The following HSP90AA1 variants were observed in gnomAD, a reference collection of about 807,000 sequenced individuals.
HSP90AA1 encodes heat shock protein 90 alpha family class A member 1, also known as heat shock protein HSP 90-alpha.
Under a neutral mutation model 73.3 loss-of-function variants are expected in HSP90AA1, and 18 were observed. That is an observed-to-expected ratio of 0.25 (90% CI 0.17 to 0.36). HSP90AA1 has a LOEUF of 0.36. HSP90AA1 is among the 10% of genes least tolerant of loss of function. The pLI is 1.00. For missense variants in HSP90AA1, 704 were observed against 874.2 expected, an observed-to-expected ratio of 0.81 and a Z score of 2.45; for synonymous variants, 477 against 296.9, an observed-to-expected ratio of 1.61 and a Z score of -6.24.
intron 2 of HSP90AA1, among the ~76,000 whole-genome samples, chr14:102,096,741 C>T (rs1440802712): frequency 6.6e-6 from 1 of 152,206 alleles, no homozygotes; most frequent in Admixed American, 6.5e-5. Flanking sequence ...CGCCCAAAGG[C>T]CGTGATAAAC....
At chr14:102,088,425 T>C (rs985751418), upstream of HSP90AA1, among the ~76,000 whole-genome samples, 2 of 152,244 alleles carry the variant, frequency 1.3e-5, no homozygotes, top group Non-Finnish European at 1.5e-5. Flanking sequence ...TCCTGGTCTT[T>C]AGGGAAACGC....
At chr14:102,121,042 C>T (rs543251700) in intron 1 of HSP90AA1, among the ~76,000 whole-genome samples, 3 of 150,982 alleles carry the variant, frequency 2.0e-5, no homozygotes, top group African/African-American at 7.3e-5. Context: ...CACACACACA[C>T]GTAAAGTTGA....
At chr14:102,137,249 A>T (rs780012295) in intron 1 of HSP90AA1, among the ~76,000 whole-genome samples, 1 of 151,750 alleles carries the variant, frequency 6.6e-6, no homozygotes, top group Non-Finnish European at 1.5e-5. Flanking sequence ...TCAAAAAAAA[A>T]ATTTTTTTTT....
intron 1 of HSP90AA1, among the ~76,000 whole-genome samples, chr14:102,118,248 G>A (rs993962738): frequency 6.6e-6 from 1 of 152,164 alleles, no homozygotes; most frequent in Admixed American, 6.5e-5. Flanking sequence ...CCAGAAAAAT[G>A]ATAACCCCTA....
chr14:102,084,929 TTTCTTC>T lies in HSP90AA1; in HGVS notation c.727_732del (p.Glu243_Glu244del), dbSNP rs747665017. ...TCCGACTCTTTCTCTTCTTTTTCTT[TTTCTTC>T]TTCTTTGTCTTCCTTTTCTTCAGCC... is the stretch of plus-strand genomic sequence containing the variant. On this transcript the variant is annotated inframe_deletion, in exon 5 of 11. Transcript: ENST00000216281. 1.8e-4 allele frequency: 291 copies of T among 1,593,782 alleles called. No individual in the cohort carries two copies. The highest frequency in any genetic ancestry group is 6.6e-4 in the Middle Eastern group (4 of 6,020).
Position 102,086,127 on chromosome 14 carries a change from G to A in HSP90AA1, c.163-3C>T, listed in dbSNP as rs2049225195. On this transcript the variant is annotated splice_region_variant and splice_polypyrimidine_tract_variant and intron_variant, in intron 2 of 10. Transcript: ENST00000216281. ...TCATACCGGATTTTGTCCAATGCCTGTTAACAAAAAATATTAATTTAAGCA... is the reference window on the plus strand; with the variant it reads ...TCATACCGGATTTTGTCCAATGCCTATTAACAAAAAATATTAATTTAAGCA... The A allele has an allele frequency of 1.2e-6, 2 of 1,614,060 alleles. No individual in the cohort carries two copies. Among genetic ancestry groups the A allele is most frequent in the Admixed American group, 1.7e-5 (1 of 60,004 alleles).
In HSP90AA1 at chr14:102,081,267, G is replaced by C; in HGVS notation, c.*445C>G. 1 of 272,244 alleles carries C rather than the reference G, an allele frequency of 3.7e-6. No individual in the cohort carries two copies. Among genetic ancestry groups the C allele is most frequent in the Non-Finnish European group, 7.1e-6 (1 of 140,866 alleles). The allele number at this position is 272,244 out of a possible 1,614,324, so 16.9% of individuals were successfully genotyped here. A position where few individuals can be genotyped will look rare whatever the true frequency, so the allele number is the denominator to read the frequency against. On this transcript the variant is annotated 3_prime_UTR_variant, in exon 11 of 11. Coordinates refer to ENST00000216281, the MANE Select transcript of HSP90AA1 (RefSeq NM_005348.4). ...GCTTCAGTTTAACCTATTTCTAGAG[G>C]ACTAGTACATGCAGAATTGTCAACT...
chr14:102,086,413 G>A lies in HSP90AA1; in HGVS notation c.1-35C>T, dbSNP rs771223401. 37 of 1,613,384 alleles carry A rather than the reference G, an allele frequency of 2.3e-5. No homozygotes were observed. In the East Asian group the frequency reaches 4.0e-4, roughly 17 times the overall value. On this transcript the variant is annotated intron_variant, in intron 1 of 10. Transcript: ENST00000216281. ...CACCGCGCCGGTTTAAAACCTTGCA[G>A]GACGTCTACAGAGGCAACACGAAAT...
chr14:102,119,396 C>T (rs2049745924), intron 1 of HSP90AA1, among the ~76,000 whole-genome samples: 1 of 152,132 alleles, frequency 6.6e-6, no homozygotes. Flanking sequence ...AGATCTAGCA[C>T]AGTTCTTATT....
upstream of HSP90AA1, among the ~76,000 whole-genome samples, chr14:102,090,141 C>T (rs1273548762): frequency 2.0e-5 from 3 of 152,226 alleles, no homozygotes; most frequent in South Asian, 2.1e-4. Flanking sequence ...GTCTGGCGCA[C>T]TCCCCATGAC....
At chr14:102,129,779 A>G (rs1232325386) in intron 1 of HSP90AA1, among the ~76,000 whole-genome samples, 1 of 149,668 alleles carries the variant, frequency 6.7e-6, no homozygotes, top group Non-Finnish European at 1.5e-5. Context: ...CTGGGATTAC[A>G]GGCGTGAGCC....
At chr14:102,091,249 C>T (rs1035769493), upstream of HSP90AA1, among the ~76,000 whole-genome samples, 20 of 152,134 alleles carry the variant, frequency 1.3e-4, no homozygotes, top group African/African-American at 4.8e-4. Context: ...AGAGGTAAGT[C>T]CTTTACTCAG....
At chr14:102,100,423 GTTT>G (rs71116879) in intron 2 of HSP90AA1, among the ~76,000 whole-genome samples, 4 of 106,300 alleles carry the variant, frequency 3.8e-5, no homozygotes, top group Admixed American at 9.9e-5. Flanking sequence ...TTCCAGTCTG[GTTT>G]TTTTTTTTTT....
At chr14:102,084,220 TA>T in intron 6 of HSP90AA1, 178 bp downstream of exon 6, 1 of 691,620 alleles carries the variant, frequency 1.4e-6, no homozygotes, top group Non-Finnish European at 2.5e-6. Flanking sequence ...CTAATTTTTG[TA>T]ATTTAGTAGA....
At chr14:102,119,730 G>A (rs974536709) in intron 1 of HSP90AA1, among the ~76,000 whole-genome samples, 25 of 151,948 alleles carry the variant, frequency 1.6e-4, no homozygotes, top group Non-Finnish European at 2.8e-4. Flanking sequence ...CTTGTGCTCC[G>A]CCCGCCTCAG....
chr14:102,137,863 A>G (rs1159267738), intron 1 of HSP90AA1, among the ~76,000 whole-genome samples: 1 of 151,916 alleles, frequency 6.6e-6, no homozygotes, highest in African/African-American at 2.4e-5. Context: ...AAAAATACAA[A>G]AATTAGCTGG....
At position 102,085,417 on chromosome 14, in the gene HSP90AA1, G is replaced by C. The variant is rs1428490611; in HGVS notation, c.544C>G (p.Arg182Gly). Residue 182 changes from arginine to glycine, a missense_variant, in exon 4 of 11, where the codon CGT (arginine) becomes GGT (glycine). By Grantham distance (125) the Arg-to-Gly change is moderately radical (BLOSUM62 -2). Transcript: ENST00000216281. ...AGGTGTAGGATAACTTTTGTTCCAC[G>C]ACCCATAGGTTCACCTGCAAGAGAA... Reference protein sequence around the residue: ...VRTDTGEPMGRGTKVILHLKE... With the variant: ...VRTDTGEPMGGGTKVILHLKE... 6.2e-7 allele frequency: 1 copy of C among 1,612,644 alleles called. No homozygotes were observed. The highest frequency in any genetic ancestry group is 8.5e-7 in the Non-Finnish European group (1 of 1,179,410).
upstream of HSP90AA1, among the ~76,000 whole-genome samples, chr14:102,088,164 C>T (rs1167318145): frequency 6.6e-6 from 1 of 152,010 alleles, no homozygotes; most frequent in Non-Finnish European, 1.5e-5. Flanking sequence ...GGGGTTTCAC[C>T]ATGTTGCCCA....
chr14:102,120,281 C>T (rs771901222), intron 1 of HSP90AA1, among the ~76,000 whole-genome samples: 1 of 152,080 alleles, frequency 6.6e-6, no homozygotes, highest in Non-Finnish European at 1.5e-5. Context: ...ATCACTTGAG[C>T]TTGGGAGGAT....
Sources: allele counts gnomAD v4.1 joint callset (sites outside exome capture counted in the v4.1 genomes callset), GRCh38; gene constraint gnomAD v4.1.1; transcripts MANE v1.5; gene names NCBI Gene and HGNC (gene_info 2026-07-23, HGNC 2026-07-21).